CYSTM1: variants seen among roughly 807,000 people sequenced by gnomAD.
CYSTM1 encodes the protein cysteine rich transmembrane module containing 1.
In CYSTM1, 4 loss-of-function variants were observed where a neutral mutation model predicts 13.1. The ratio of observed to expected loss-of-function variants is 0.31; its 90% CI spans 0.15 to 0.70. The LOEUF (loss-of-function observed/expected upper bound fraction) is 0.70, where lower values mean the gene tolerates loss of function less well. CYSTM1 is among the 30% of genes least tolerant of loss of function. CYSTM1 has a pLI of 0.72. For missense variants in CYSTM1, 96 were observed against 121.6 expected (o/e 0.79, Z 0.99); for synonymous variants, 36 against 42.7 (o/e 0.84, Z 0.62).
At chr5:140,225,492 C>T (rs1184843296) in intron 2 of CYSTM1, among the ~76,000 whole-genome samples, 3 of 152,220 alleles carry the variant, frequency 2.0e-5, no homozygotes, top group Non-Finnish European at 4.4e-5. Context: ...CCTGATTGTT[C>T]CCATGTCCCA....
rs1361108518 is a variant in CYSTM1, at chr5:140,239,485, A to AG, written c.188-3817dup. Among the ~76,000 whole-genome samples the AG allele has an allele frequency of 3.3e-5, 5 of 152,192 alleles. No individual in the cohort carries two copies. The highest frequency in any genetic ancestry group is 1.3e-4 in the Admixed American group (2 of 15,288). ...CACTGGTGGCCCTGGAGAAGACCCC[A>AG]GGGCTTGTTGGACAGGCCTGGCATC... On this transcript the variant is annotated intron_variant, in intron 2 of 2. Transcript: ENST00000261811. This position sits in a 1 kb window ranked among gnomAD's most constrained non-coding sequence, Gnocchi z 5.4.
At chr5:140,214,632 A>T (rs1361664440) in intron 2 of CYSTM1, among the ~76,000 whole-genome samples, 2 of 41,468 alleles carry the variant, frequency 4.8e-5, no homozygotes. Flanking sequence ...CCCAGTCTTA[A>T]AAAACATGAC....
chr5:140,176,480 C>T (rs1410722290), intron 1 of CYSTM1, among the ~76,000 whole-genome samples: 1 of 152,132 alleles, frequency 6.6e-6, no homozygotes, highest in Non-Finnish European at 1.5e-5. Flanking sequence ...TGAAAGGACC[C>T]ACCCAAGGGC....
chr5:140,235,507 G>A (rs191292917), intron 2 of CYSTM1, among the ~76,000 whole-genome samples: 403 of 149,976 alleles, frequency 2.7e-3, no homozygotes, highest in African/African-American at 9.2e-3. Flanking sequence ...CTGGATTCAC[G>A]CCATTCTCCT....
At chr5:140,241,779 G>C (rs1443410287) in intron 2 of CYSTM1, among the ~76,000 whole-genome samples, 1 of 152,196 alleles carries the variant, frequency 6.6e-6, no homozygotes, top group East Asian at 1.9e-4. Context: ...GGGGTGGCCA[G>C]GCTTCAGTGG....
intron 2 of CYSTM1, among the ~76,000 whole-genome samples, chr5:140,198,150 C>A (rs1764177790): frequency 6.6e-6 from 1 of 152,176 alleles, no homozygotes; most frequent in Non-Finnish European, 1.5e-5. Context: ...GAGCACCATG[C>A]TTGGTGTTAG....
chr5:140,195,873 C>T (rs540662304), intron 2 of CYSTM1, among the ~76,000 whole-genome samples: 2 of 151,492 alleles, frequency 1.3e-5, no homozygotes, highest in South Asian at 2.1e-4. Flanking sequence ...GGTGAAACCC[C>T]GTCTCTACTA....
chr5:140,184,806 A>G (rs138714530), intron 1 of CYSTM1, among the ~76,000 whole-genome samples: 1,649 of 152,312 alleles, frequency 0.011, 77 homozygotes, highest in Admixed American at 0.084. Context: ...ACTTCTCTGA[A>G]TTCCCTCAGA....
intron 1 of CYSTM1, among the ~76,000 whole-genome samples, chr5:140,178,466 T>TTTTTTTTTTTTTTTC (rs1491141331): frequency 9.0e-6 from 1 of 111,098 alleles, no homozygotes; most frequent in Non-Finnish European, 1.9e-5. Flanking sequence ...TTTTTTTTTT[T>TTTTTTTTTTTTTTTC]CAGAAACAGG....
In CYSTM1 at chr5:140,219,621, G is replaced by A. The variant is rs563492351; in HGVS notation, c.188-23684G>A. Among the ~76,000 whole-genome samples, 11 of 152,234 alleles carry A rather than the reference G, an allele frequency of 7.2e-5. No homozygotes were observed. Among genetic ancestry groups the A allele is most frequent in the Admixed American group, 1.3e-4 (2 of 15,286 alleles). ...GCAGTAGAAAAAGAAAACAACCTGC[G>A]GTGCTTTGCATAAATATATCTCCTG... On this transcript the variant is annotated intron_variant, in intron 2 of 2. Coordinates refer to ENST00000261811, the MANE Select transcript of CYSTM1 (RefSeq NM_032412.4). The surrounding 1 kb of genome is among the most constrained non-coding windows in gnomAD (Gnocchi z 4.1).
At chr5:140,225,999 G>A (rs543787461) in intron 2 of CYSTM1, among the ~76,000 whole-genome samples, 13 of 152,302 alleles carry the variant, frequency 8.5e-5, no homozygotes, top group Non-Finnish European at 1.2e-4. Flanking sequence ...TTCCCAGAGT[G>A]GGTAAACACC....
chr5:140,218,093 G>A (rs1237928591), intron 2 of CYSTM1, among the ~76,000 whole-genome samples: 1 of 152,126 alleles, frequency 6.6e-6, no homozygotes, highest in Non-Finnish European at 1.5e-5. Flanking sequence ...CGATATGGTC[G>A]GTGTGGTAAT....
intron 2 of CYSTM1, among the ~76,000 whole-genome samples, chr5:140,199,944 T>G (rs1581062778): frequency 6.6e-6 from 1 of 152,228 alleles, no homozygotes; most frequent in East Asian, 1.9e-4. Flanking sequence ...CTGTTCATAT[T>G]CTTTGCCCAC....
chr5:140,216,564 G>A (rs188667016), intron 2 of CYSTM1, among the ~76,000 whole-genome samples: 2 of 152,134 alleles, frequency 1.3e-5, no homozygotes, highest in African/African-American at 2.4e-5. Context: ...GCTTACCCTG[G>A]CTCTCTGAGG....
chr5:140,219,702 G>A lies in CYSTM1; in HGVS notation c.188-23603G>A, dbSNP rs1764468507. Among the ~76,000 whole-genome samples, 1 of 152,194 alleles carries A rather than the reference G, an allele frequency of 6.6e-6. No individual in the cohort carries two copies. The highest frequency in any genetic ancestry group is 2.4e-5 in the African/African-American group (1 of 41,444). On this transcript the variant is annotated intron_variant, in intron 2 of 2. Transcript: ENST00000261811. The surrounding 1 kb of genome is among the most constrained non-coding windows in gnomAD (Gnocchi z 4.1). ...TACCTTTTGAAGCCAGTTATGGTCT[G>A]TATACCTAAGATAAAACACGTTTTA...
At chr5:140,233,768 C>A (rs192191864) in intron 2 of CYSTM1, among the ~76,000 whole-genome samples, 29 of 152,284 alleles carry the variant, frequency 1.9e-4, no homozygotes, top group Non-Finnish European at 1.5e-5. Flanking sequence ...CTCCGTATAT[C>A]CTCTTTGGTG....
At chr5:140,189,986 C>T (rs1263124888) in intron 1 of CYSTM1, among the ~76,000 whole-genome samples, 1 of 152,114 alleles carries the variant, frequency 6.6e-6, no homozygotes, top group Non-Finnish European at 1.5e-5. Context: ...TTTCTCCCAA[C>T]ACAAGGATAA....
At chr5:140,185,622 G>T (rs1764007308) in intron 1 of CYSTM1, among the ~76,000 whole-genome samples, 1 of 152,192 alleles carries the variant, frequency 6.6e-6, no homozygotes. Context: ...GAAATATCTT[G>T]TCCACGTTAT....
intron 1 of CYSTM1, 111 bp from the exon 2 acceptor site, chr5:140,194,335 A>C (rs889962428): frequency 4.8e-6 from 5 of 1,041,078 alleles, no homozygotes; most frequent in Non-Finnish European, 6.8e-6. Flanking sequence ...GATTTGCACA[A>C]GGCTTGATAC....
Sources: allele counts gnomAD v4.1 joint callset (sites outside exome capture counted in the v4.1 genomes callset), GRCh38; gene constraint gnomAD v4.1.1; non-coding constraint Gnocchi (gnomAD v3.1); transcripts MANE v1.5; gene names NCBI Gene and HGNC (gene_info 2026-07-23, HGNC 2026-07-21).